Variants in COMMD10 observed in about 807,000 individuals in gnomAD.
COMMD10 encodes COMM domain-containing protein 10.
Under a neutral mutation model 28.9 loss-of-function variants are expected in COMMD10, and 33 were observed. That is an observed-to-expected ratio of 1.14 (90% CI 0.87 to 1.53). The LOEUF (loss-of-function observed/expected upper bound fraction) is 1.53. Among genes scored for constraint, COMMD10 ranks in the 40% most tolerant of loss-of-function variants. The probability of loss-of-function intolerance (pLI) is 0.00; values close to 1 mark genes in which losing one functional copy is unlikely to be tolerated. For missense variants in COMMD10, 310 were observed against 233.4 expected (o/e 1.33, Z -2.14); for synonymous variants, 110 against 81.7 (o/e 1.35, Z -1.87).
At chr5:116,190,216 G>C (rs539869211) in intron 5 of COMMD10, among the ~76,000 whole-genome samples, 1 of 151,986 alleles carries the variant, frequency 6.6e-6, no homozygotes, top group East Asian at 1.9e-4. Context: ...AAGAAACTGA[G>C]TCCTGATGGT....
At chr5:116,273,909 A>G (rs765643424) in intron 5 of COMMD10, among the ~76,000 whole-genome samples, 1 of 151,752 alleles carries the variant, frequency 6.6e-6, no homozygotes, top group Non-Finnish European at 1.5e-5. Flanking sequence ...GGTACAATTT[A>G]CTTTTTTTAA....
At chr5:116,281,696 T>A (rs1340109132) in intron 5 of COMMD10, among the ~76,000 whole-genome samples, 1 of 151,860 alleles carries the variant, frequency 6.6e-6, no homozygotes, top group African/African-American at 2.4e-5. Context: ...ATGGAAAATT[T>A]AAAAATAAGC....
intron 5 of COMMD10, among the ~76,000 whole-genome samples, chr5:116,135,927 A>G (rs564057370): frequency 1.3e-5 from 2 of 152,216 alleles, no homozygotes; most frequent in Admixed American, 1.3e-4. Flanking sequence ...TCTGTAAAAT[A>G]TAGGTAATAG....
At chr5:116,146,747 G>A (rs958912052) in intron 5 of COMMD10, among the ~76,000 whole-genome samples, 11 of 151,736 alleles carry the variant, frequency 7.2e-5, no homozygotes, top group African/African-American at 2.4e-4. Flanking sequence ...ATTATTTAGA[G>A]GAAGTTAAAC....
chr5:116,089,784 T>C (rs937152332), intron 2 of COMMD10, among the ~76,000 whole-genome samples: 4 of 152,188 alleles, frequency 2.6e-5, no homozygotes, highest in Admixed American at 2.6e-4. Context: ...CATATGTATG[T>C]GAATACTTGC....
At chr5:116,088,213 CCATT>C (rs1452138545) in intron 2 of COMMD10, among the ~76,000 whole-genome samples, 2 of 152,192 alleles carry the variant, frequency 1.3e-5, no homozygotes, top group Non-Finnish European at 2.9e-5. Context: ...GTATCACCAT[CCATT>C]GAGAACCAAG....
chr5:116,199,280 GTT>G (rs1748604661), intron 5 of COMMD10, among the ~76,000 whole-genome samples: 1 of 151,892 alleles, frequency 6.6e-6, no homozygotes, highest in Non-Finnish European at 1.5e-5. Flanking sequence ...TTCTGTTTAG[GTT>G]TTTGGCTCAC....
intron 5 of COMMD10, among the ~76,000 whole-genome samples, chr5:116,146,991 G>C (rs1752371113): frequency 6.6e-6 from 1 of 151,906 alleles, no homozygotes; most frequent in African/African-American, 2.4e-5. Flanking sequence ...AATGCTTTAA[G>C]GATTTAATCA....
chr5:116,126,117 A>T (rs1355926153), intron 4 of COMMD10, among the ~76,000 whole-genome samples: 1 of 152,036 alleles, frequency 6.6e-6, no homozygotes, highest in Non-Finnish European at 1.5e-5. Context: ...AATCACAGGC[A>T]TTCCTATACG....
intron 5 of COMMD10, among the ~76,000 whole-genome samples, chr5:116,261,845 T>C (rs951975206): frequency 6.6e-6 from 1 of 151,816 alleles, no homozygotes; most frequent in Admixed American, 6.6e-5. Flanking sequence ...TTGGTTCCAC[T>C]GGCCAGCCAT....
At chr5:116,120,398 G>T (rs1751390324) in intron 4 of COMMD10, among the ~76,000 whole-genome samples, 1 of 152,070 alleles carries the variant, frequency 6.6e-6, no homozygotes, top group Non-Finnish European at 1.5e-5. Flanking sequence ...ATTGGGTACA[G>T]TGTACACTGC....
At chr5:116,097,061 T>G (rs1266690573) in intron 4 of COMMD10, among the ~76,000 whole-genome samples, 2 of 152,142 alleles carry the variant, frequency 1.3e-5, no homozygotes, top group African/African-American at 2.4e-5. Context: ...TTTTAGTGTC[T>G]TCATGATGAA....
In COMMD10 at chr5:116,163,519, G is replaced by A. The variant is rs1227752170; in HGVS notation, c.510+29341G>A. Among the ~76,000 whole-genome samples the A allele has an allele frequency of 2.6e-5, 4 of 151,606 alleles. No individual in the cohort carries two copies. The East Asian group carries it at 7.8e-4, about 29-fold the overall frequency. On this transcript the variant is annotated intron_variant, in intron 5 of 6. Transcript: ENST00000274458. ...GCAGGGAATCACTTGCACCCGGGAA[G>A]TAGAGGTTTCGGTGAGCCAAGATTG...
intron 4 of COMMD10, among the ~76,000 whole-genome samples, chr5:116,132,029 A>G (rs369602572): frequency 6.6e-6 from 1 of 151,982 alleles, no homozygotes; most frequent in Non-Finnish European, 1.5e-5. Flanking sequence ...GTAAGGAGCT[A>G]TTGGAGAATT....
chr5:116,199,076 C>G (rs147660556), intron 5 of COMMD10, among the ~76,000 whole-genome samples: 161 of 152,254 alleles, frequency 1.1e-3, no homozygotes, highest in African/African-American at 3.7e-3. Context: ...TTTCCACTAA[C>G]AATGAAATGA....
intron 5 of COMMD10, among the ~76,000 whole-genome samples, chr5:116,230,154 G>A (rs1038355409): frequency 1.3e-5 from 2 of 151,956 alleles, no homozygotes; most frequent in East Asian, 3.9e-4. Context: ...GTCTCAAAGA[G>A]CATCGTAATC....
chr5:116,130,622 A>G (rs1314588454), intron 4 of COMMD10, among the ~76,000 whole-genome samples: 2 of 151,936 alleles, frequency 1.3e-5, no homozygotes, highest in Admixed American at 1.3e-4. Flanking sequence ...TTCTGAGACA[A>G]GTTTCTATAC....
Position 116,185,036 on chromosome 5 carries a change from A to T in COMMD10, c.510+50858A>T, listed in dbSNP as rs536025469. 7.2e-5 allele frequency among the ~76,000 whole-genome samples: 11 copies of T among 152,248 alleles called. No homozygotes were observed. The South Asian group carries it at 2.3e-3, about 32-fold the overall frequency. On this transcript the variant is annotated intron_variant, in intron 5 of 6. Coordinates refer to ENST00000274458, the MANE Select transcript of COMMD10 (RefSeq NM_016144.4). Reference sequence around the variant, plus strand: ...AGAAGGCAGTTATACAAAATGTGTGATAAAAGTTTTGGCACATACAGGTTT... The same window carrying T: ...AGAAGGCAGTTATACAAAATGTGTGTTAAAAGTTTTGGCACATACAGGTTT...
intron 5 of COMMD10, among the ~76,000 whole-genome samples, chr5:116,256,239 C>G (rs982982201): frequency 2.0e-5 from 3 of 151,726 alleles, no homozygotes; most frequent in Non-Finnish European, 4.4e-5. Context: ...TTTTGAATCA[C>G]CGTTCGGACA....
Sources: allele counts gnomAD v4.1 joint callset (sites outside exome capture counted in the v4.1 genomes callset), GRCh38; gene constraint gnomAD v4.1.1; transcripts MANE v1.5; gene names NCBI Gene and HGNC (gene_info 2026-07-23, HGNC 2026-07-21).